The following DTNA variants were observed in gnomAD, a reference collection of about 807,000 sequenced individuals.
The protein encoded by DTNA is dystrobrevin alpha.
DTNA carries 43 observed loss-of-function variants against 100.7 expected under a neutral mutation model. That is an observed-to-expected ratio of 0.43 (90% CI 0.33 to 0.55). The LOEUF (loss-of-function observed/expected upper bound fraction) is 0.55. Among genes scored for constraint, DTNA ranks in the 20% least tolerant of loss-of-function variants. The probability of loss-of-function intolerance (pLI) is 0.04; values close to 1 mark genes in which losing one functional copy is unlikely to be tolerated. For missense variants in DTNA, 798 were observed against 953.9 expected, an observed-to-expected ratio of 0.84 and a Z score of 2.15; for synonymous variants, 349 against 347.9, an observed-to-expected ratio of 1.00 and a Z score of -0.04.
intron 1 of DTNA, among the ~76,000 whole-genome samples, chr18:34,590,368 T>C (rs2049587513): frequency 6.6e-6 from 1 of 152,256 alleles, no homozygotes; most frequent in African/African-American, 2.4e-5. Flanking sequence ...ATAAAAAGTA[T>C]ATGCTTTTAA....
chr18:34,622,223 C>G (rs1453065456), intron 1 of DTNA, among the ~76,000 whole-genome samples: 1 of 152,102 alleles, frequency 6.6e-6, no homozygotes, highest in African/African-American at 2.4e-5. Flanking sequence ...ATACATATAT[C>G]AAAACATCAT....
rs146106073 is a variant in DTNA at position 34,673,812 on chromosome 18, G to A, written c.-1-82164G>A. ...ATCTTACTTTAACCTAAGTGATAAGGTACAACTTTTTATCCACTTCTATTG... is the reference window on the plus strand; with the variant it reads ...ATCTTACTTTAACCTAAGTGATAAGATACAACTTTTTATCCACTTCTATTG... On this transcript the variant is annotated intron_variant, in intron 1 of 19. Transcript: ENST00000283365. Among the ~76,000 whole-genome samples the A allele has an allele frequency of 3.8e-3, 582 of 152,262 alleles. 7 individuals are homozygous for A. Among genetic ancestry groups the A allele is most frequent in the African/African-American group, 0.013 (544 of 41,562 alleles).
At chr18:34,557,357 T>C (rs1476362358) in intron 1 of DTNA, among the ~76,000 whole-genome samples, 1 of 150,834 alleles carries the variant, frequency 6.6e-6, no homozygotes, top group Non-Finnish European at 1.5e-5. Flanking sequence ...TGAAGCCTTC[T>C]TCTCTCAGCT....
intron 1 of DTNA, among the ~76,000 whole-genome samples, chr18:34,521,697 C>T (rs757147199): frequency 1.8e-4 from 28 of 152,160 alleles, no homozygotes; most frequent in Non-Finnish European, 3.8e-4. Flanking sequence ...ACCTGGAGCA[C>T]TTACTCCACA....
intron 1 of DTNA, among the ~76,000 whole-genome samples, chr18:34,692,812 T>C (rs976464504): frequency 4.6e-5 from 7 of 152,210 alleles, no homozygotes; most frequent in Non-Finnish European, 8.8e-5. Context: ...AAATGTTATC[T>C]GGGATTACCA....
chr18:34,719,707 G>A (rs2084858293), intron 1 of DTNA, among the ~76,000 whole-genome samples: 1 of 152,166 alleles, frequency 6.6e-6, no homozygotes, highest in Non-Finnish European at 1.5e-5. Flanking sequence ...CACCGACACT[G>A]CTCAGAAATA....
chr18:34,594,477 A>G lies in DTNA; in HGVS notation c.-2+100963A>G, dbSNP rs563786049. Among the ~76,000 whole-genome samples the G allele has an allele frequency of 8.5e-5, 13 of 152,346 alleles. 1 individual carries two copies. The South Asian group carries it at 2.3e-3, about 27-fold the overall frequency. On this transcript the variant is annotated intron_variant, in intron 1 of 19. Coordinates refer to the DTNA transcript ENST00000283365. ...GGAAATTCTACTTTATATGGGGAAA[A>G]TAAATCTGCTGACGCTGTTATTACA...
chr18:34,648,696 A>T (rs2060122324), intron 1 of DTNA, among the ~76,000 whole-genome samples: 1 of 152,230 alleles, frequency 6.6e-6, no homozygotes. Context: ...ATTTTTCAAA[A>T]ATCAGTCAAA....
intron 17 of DTNA, chr18:34,867,281 A>G: frequency 8.1e-7 from 1 of 1,231,414 alleles, no homozygotes; most frequent in Non-Finnish European, 1.0e-6. Flanking sequence ...GGTCTGTAAA[A>G]AAGGAAAGTG....
At chr18:34,521,899 C>T (rs1219008877) in intron 1 of DTNA, among the ~76,000 whole-genome samples, 1 of 152,114 alleles carries the variant, frequency 6.6e-6, no homozygotes, top group Non-Finnish European at 1.5e-5. Context: ...TGTCTCTCTC[C>T]CCCACTACAA....
intron 1 of DTNA, among the ~76,000 whole-genome samples, chr18:34,587,133 C>T (rs1186642940): frequency 2.0e-5 from 3 of 151,174 alleles, no homozygotes; most frequent in Non-Finnish European, 4.4e-5. Flanking sequence ...AGGTAAATGC[C>T]ACCATGCCTG....
intron 5 of DTNA, among the ~76,000 whole-genome samples, chr18:34,808,022 G>A (rs1490027033): frequency 6.6e-6 from 1 of 151,872 alleles, no homozygotes; most frequent in Non-Finnish European, 1.5e-5. Context: ...TTACGAAGAG[G>A]ACATTAGATA....
At chr18:34,496,932 T>A (rs916505357) in intron 1 of DTNA, among the ~76,000 whole-genome samples, 1 of 152,224 alleles carries the variant, frequency 6.6e-6, no homozygotes, top group Non-Finnish European at 1.5e-5. Context: ...TAGTTACTTC[T>A]GTATTCACCA....
chr18:34,821,347 A>C (rs1376634742), intron 9 of DTNA: 9 of 420,020 alleles, frequency 2.1e-5, no homozygotes, highest in African/African-American at 1.9e-4. Context: ...CAAACCTAGA[A>C]ATTACTTTTG....
In DTNA at chr18:34,888,983, G is replaced by A. The variant is rs921205510; in HGVS notation, c.*1249G>A. ...TTGGGATTTTTGCACTCAGTGAAAA[G>A]CTGAAGTGCAAAAGAGCTATCAAAG... On this transcript the variant is annotated 3_prime_UTR_variant, in exon 23 of 23. Transcript: ENST00000444659. 1.0e-6 allele frequency: 1 copy of A among 985,760 alleles called. No homozygotes were observed. Among genetic ancestry groups the A allele is most frequent in the Non-Finnish European group, 1.2e-6 (1 of 829,938 alleles). The allele number at this position is 985,760 out of a possible 1,614,324, so 61.1% of individuals were successfully genotyped here.
intron 5 of DTNA, among the ~76,000 whole-genome samples, chr18:34,807,027 G>A (rs962498603): frequency 1.3e-5 from 2 of 152,120 alleles, no homozygotes; most frequent in Non-Finnish European, 2.9e-5. Flanking sequence ...TACACAGGTG[G>A]TTCACAAATT....
intron 7 of DTNA, 128 bp downstream of exon 7, chr18:34,816,142 G>A (rs1212339067): frequency 1.6e-5 from 15 of 917,212 alleles, no homozygotes; most frequent in Non-Finnish European, 2.3e-5. Flanking sequence ...TTTGTTTAGG[G>A]TAGAACTAAC....
At chr18:34,530,859 T>A (rs1398391318) in intron 1 of DTNA, among the ~76,000 whole-genome samples, 2 of 152,094 alleles carry the variant, frequency 1.3e-5, no homozygotes, top group African/African-American at 4.8e-5. Context: ...AAACAAAAGT[T>A]GTTTGTTGCT....
intron 1 of DTNA, among the ~76,000 whole-genome samples, chr18:34,553,921 A>G (rs1250251587): frequency 2.0e-5 from 3 of 150,962 alleles, no homozygotes; most frequent in Non-Finnish European, 3.0e-5. Context: ...GAAGAAAGTC[A>G]TTGGTAGCTT....
Sources: allele counts gnomAD v4.1 joint callset (sites outside exome capture counted in the v4.1 genomes callset), GRCh38; gene constraint gnomAD v4.1.1; transcripts MANE v1.5; gene names NCBI Gene and HGNC (gene_info 2026-07-23, HGNC 2026-07-21).